The following FHIT variants were observed in gnomAD, a reference collection of about 807,000 sequenced individuals.
The protein encoded by FHIT is fragile histidine triad diadenosine triphosphatase, also known as bis(5'-adenosyl)-triphosphatase.
FHIT carries 19 observed loss-of-function variants against 17.9 expected under a neutral mutation model. The ratio of observed to expected loss-of-function variants is 1.06; its 90% CI spans 0.74 to 1.56. The LOEUF is 1.56. Ranked by LOEUF, FHIT falls within the 40% of genes most tolerant of loss-of-function variation. The pLI, the probability that FHIT is intolerant of heterozygous loss-of-function variation, is 0.00. For missense variants in FHIT, 248 were observed against 189.2 expected, an observed-to-expected ratio of 1.31 and a Z score of -1.82; for synonymous variants, 81 against 69.7, an observed-to-expected ratio of 1.16 and a Z score of -0.81.
At chr3:61,249,520 G>T (rs1208753264) in intron 1 of FHIT, among the ~76,000 whole-genome samples, 2 of 152,100 alleles carry the variant, frequency 1.3e-5, no homozygotes, top group Non-Finnish European at 2.9e-5. Context: ...AGCTCTGTAA[G>T]GTAAGGTCTT....
intron 5 of FHIT, among the ~76,000 whole-genome samples, chr3:60,117,768 G>C (rs953480815): frequency 6.6e-6 from 1 of 151,748 alleles, no homozygotes; most frequent in African/African-American, 2.4e-5. Flanking sequence ...TGAAGGTTAA[G>C]AAGATGTAGG....
At chr3:59,932,894 C>A (rs749922925) in intron 7 of FHIT, among the ~76,000 whole-genome samples, 3 of 152,078 alleles carry the variant, frequency 2.0e-5, no homozygotes, top group Non-Finnish European at 4.4e-5. Flanking sequence ...ATTCTCCTAT[C>A]TCTAATTTTT....
intron 3 of FHIT, among the ~76,000 whole-genome samples, chr3:60,981,295 C>CTTTTTTTTTTT (rs71100934): frequency 4.0e-5 from 5 of 124,500 alleles, no homozygotes; most frequent in Non-Finnish European, 1.6e-5. Flanking sequence ...TTCTTCCTTC[C>CTTTTTTTTTTT]TTTTTTTTTT....
At chr3:60,840,946 A>G (rs1702707121) in intron 3 of FHIT, among the ~76,000 whole-genome samples, 1 of 152,316 alleles carries the variant, frequency 6.6e-6, no homozygotes. Flanking sequence ...TCATCTTATC[A>G]TGTACATTTT....
At chr3:60,565,130 T>G (rs1032057515) in intron 4 of FHIT, among the ~76,000 whole-genome samples, 1 of 152,172 alleles carries the variant, frequency 6.6e-6, no homozygotes, top group Non-Finnish European at 1.5e-5. Context: ...TATTTTTAAT[T>G]AAGGTATGTA....
Position 61,224,916 on chromosome 3 carries a change from T to A in FHIT, c.-212-24251A>T, listed in dbSNP as rs371321326. On this transcript the variant is annotated intron_variant, in intron 1 of 9. Transcript: ENST00000492590. ...ATAGTAATAGCCACATGTTTGAGGT[T>A]TTTACATGCATCTTCTCTTATATAA... is the stretch of plus-strand genomic sequence containing the variant. Among the ~76,000 whole-genome samples the A allele has an allele frequency of 1.1e-4, 17 of 152,320 alleles. No homozygotes were observed. In the East Asian group the frequency reaches 1.5e-3, roughly 14 times the overall value.
intron 8 of FHIT, among the ~76,000 whole-genome samples, chr3:59,759,740 T>C (rs1472153186): frequency 6.6e-6 from 1 of 152,098 alleles, no homozygotes; most frequent in South Asian, 2.1e-4. Flanking sequence ...CTGCCAGACA[T>C]GGAGCTTCCT....
At chr3:59,954,986 G>A (rs1439264901) in intron 7 of FHIT, among the ~76,000 whole-genome samples, 1 of 152,184 alleles carries the variant, frequency 6.6e-6, no homozygotes, top group African/African-American at 2.4e-5. Flanking sequence ...AGTTTTCTGT[G>A]AATCATTCAG....
At chr3:60,955,492 G>C (rs1475253126) in intron 3 of FHIT, among the ~76,000 whole-genome samples, 1 of 151,688 alleles carries the variant, frequency 6.6e-6, no homozygotes, top group African/African-American at 2.4e-5. Context: ...GATGGAAGAA[G>C]TTAGGAAGCA....
intron 8 of FHIT, among the ~76,000 whole-genome samples, chr3:59,771,428 C>T (rs372658773): frequency 2.6e-5 from 4 of 152,274 alleles, no homozygotes; most frequent in East Asian, 3.9e-4. Context: ...ATAGATCCAA[C>T]GGAAAGCTTG....
chr3:59,882,696 G>A (rs1323457452), intron 8 of FHIT, among the ~76,000 whole-genome samples: 2 of 152,284 alleles, frequency 1.3e-5, no homozygotes, highest in East Asian at 1.9e-4. Flanking sequence ...AGTACACTGT[G>A]AGGAAGAAGA....
intron 5 of FHIT, among the ~76,000 whole-genome samples, chr3:60,217,716 C>G (rs1334440149): frequency 6.6e-6 from 1 of 152,174 alleles, no homozygotes; most frequent in Non-Finnish European, 1.5e-5. Flanking sequence ...GGCCTTCCCT[C>G]CATTATCCAA....
chr3:61,007,774 C>A (rs2031548606), intron 3 of FHIT, among the ~76,000 whole-genome samples: 1 of 152,140 alleles, frequency 6.6e-6, no homozygotes, highest in Non-Finnish European at 1.5e-5. Flanking sequence ...CCCATTCCTC[C>A]CTACAGGTGT....
intron 5 of FHIT, among the ~76,000 whole-genome samples, chr3:60,166,588 G>T (rs1001284521): frequency 6.6e-6 from 1 of 152,096 alleles, no homozygotes. Context: ...CAGGCTTAAG[G>T]CTACACAAAG....
At chr3:60,604,283 C>A (rs2256806) in intron 4 of FHIT, among the ~76,000 whole-genome samples, 82,954 of 152,004 alleles carry the variant, frequency 0.55, 23,463 homozygotes, top group Middle Eastern at 0.65. Context: ...GAGGGGAATC[C>A]AGGGTAGAGC....
chr3:59,862,717 T>A (rs1702461778), intron 8 of FHIT, among the ~76,000 whole-genome samples: 1 of 152,122 alleles, frequency 6.6e-6, no homozygotes, highest in Middle Eastern at 3.4e-3. Context: ...ACTAGTGGAG[T>A]GAGGAAGTAA....
At chr3:60,206,299 T>C (rs777166837) in intron 5 of FHIT, among the ~76,000 whole-genome samples, 7 of 152,030 alleles carry the variant, frequency 4.6e-5, no homozygotes, top group Non-Finnish European at 7.4e-5. Context: ...TAAGATCCAG[T>C]ACTTATGATA....
At chr3:60,500,746 C>T (rs543129413) in intron 5 of FHIT, among the ~76,000 whole-genome samples, 23 of 134,712 alleles carry the variant, frequency 1.7e-4, no homozygotes, top group South Asian at 9.4e-4. Context: ...GCACTCCAGC[C>T]TGGGTGACAG....
intron 5 of FHIT, among the ~76,000 whole-genome samples, chr3:60,331,307 G>A (rs1055992245): frequency 1.7e-4 from 26 of 151,950 alleles, no homozygotes; most frequent in South Asian, 1.2e-3. Context: ...TCCATGGGTG[G>A]ATATAGGTTC....
Sources: gnomAD v4.1 joint callset for allele counts (sites outside exome capture counted in the v4.1 genomes callset) on GRCh38, gnomAD v4.1.1 for gene constraint, MANE v1.5 for transcripts, NCBI Gene and HGNC (gene_info 2026-07-23, HGNC 2026-07-21) for gene names.